The following NYAP2 variants were observed in gnomAD, a reference collection of about 807,000 sequenced individuals.
The protein encoded by NYAP2 is neuronal tyrosine-phosphorylated phosphoinositide-3-kinase adapter 2.
A neutral mutation model predicts 50.4 loss-of-function variants in NYAP2; 23 were observed. The ratio of observed to expected loss-of-function variants is 0.46; its 90% CI spans 0.33 to 0.65. NYAP2 has a LOEUF of 0.65. Ranked by LOEUF, NYAP2 falls within the 30% of genes least tolerant of loss-of-function variation. NYAP2 has a pLI of 0.02. For synonymous variants in NYAP2, 394 were observed against 365.2 expected (o/e 1.08, Z -0.90); for missense variants, 885 against 861.0 (o/e 1.03, Z -0.35).
rs529583938 is a variant in NYAP2, at chr2:225,612,008, T to G, written c.1619-14909T>G. Among the ~76,000 whole-genome samples the G allele has an allele frequency of 2.8e-4, 42 of 150,966 alleles. No homozygotes were observed. The South Asian group carries it at 8.8e-3, about 32-fold the overall frequency. Reference sequence around the variant, plus strand: ...TCAGAGTAAACTGCTGAAGCCAGTTTTAGAAAAGTCACATTCTTTGTTTTC... The same window carrying G: ...TCAGAGTAAACTGCTGAAGCCAGTTGTAGAAAAGTCACATTCTTTGTTTTC... On this transcript the variant is annotated intron_variant, in intron 5 of 6. Transcript: ENST00000636099.
chr2:225,546,161 A>G (rs73089011), intron 4 of NYAP2, among the ~76,000 whole-genome samples: 4,186 of 151,830 alleles, frequency 0.028, 183 homozygotes, highest in African/African-American at 0.094. Context: ...AGTCTCTCCT[A>G]GGGCCCATTG....
intron 3 of NYAP2, among the ~76,000 whole-genome samples, chr2:225,470,825 G>GTGTA (rs151090508): frequency 5.9e-5 from 9 of 151,692 alleles, no homozygotes; most frequent in African/African-American, 2.2e-4. Flanking sequence ...GTGTGTGTGT[G>GTGTA]TATATATATT....
At chr2:225,487,778 A>T (rs1012276286) in intron 3 of NYAP2, among the ~76,000 whole-genome samples, 1 of 152,202 alleles carries the variant, frequency 6.6e-6, no homozygotes, top group Non-Finnish European at 1.5e-5. Context: ...AGATATATAG[A>T]TATATTTTAG....
intron 4 of NYAP2, among the ~76,000 whole-genome samples, chr2:225,553,059 T>C (rs1281272613): frequency 6.6e-6 from 1 of 152,124 alleles, no homozygotes; most frequent in Non-Finnish European, 1.5e-5. Context: ...CCAGGACATA[T>C]CCCTGGCAGC....
intron 3 of NYAP2, among the ~76,000 whole-genome samples, chr2:225,444,216 T>C (rs1689516133): frequency 6.6e-6 from 1 of 152,072 alleles, no homozygotes; most frequent in African/African-American, 2.4e-5. Flanking sequence ...GTCTTCATTA[T>C]AGCATTGACA....
intron 3 of NYAP2, among the ~76,000 whole-genome samples, chr2:225,434,804 G>A (rs1437953273): frequency 1.3e-5 from 2 of 152,068 alleles, no homozygotes; most frequent in African/African-American, 2.4e-5. Context: ...ATATATACAC[G>A]TGTGTGTGTA....
intron 4 of NYAP2, among the ~76,000 whole-genome samples, chr2:225,572,209 A>G (rs975157723): frequency 6.6e-6 from 1 of 151,938 alleles, no homozygotes; most frequent in African/African-American, 2.4e-5. Context: ...AACTGTTCCA[A>G]CCTCTGCCTG....
intron 3 of NYAP2, among the ~76,000 whole-genome samples, chr2:225,469,598 C>T (rs1574630555): frequency 6.6e-6 from 1 of 152,142 alleles, no homozygotes; most frequent in Non-Finnish European, 1.5e-5. Flanking sequence ...TTGGAACCAA[C>T]CCAAATGTCC....
At chr2:225,675,929 C>T in the NYAP2 span, among the ~76,000 whole-genome samples, 1 of 151,998 alleles carries the variant, frequency 6.6e-6, no homozygotes, top group Non-Finnish European at 1.5e-5. Context: ...GTTTGTTGGC[C>T]ACTTGTGTGC....
At chr2:225,533,647 C>T (rs1211660578) in intron 4 of NYAP2, among the ~76,000 whole-genome samples, 2 of 151,902 alleles carry the variant, frequency 1.3e-5, no homozygotes, top group African/African-American at 2.4e-5. Flanking sequence ...CAAGATCGCA[C>T]CACTACACTC....
At chr2:225,503,375 T>C (rs777009729) in intron 3 of NYAP2, among the ~76,000 whole-genome samples, 1 of 152,194 alleles carries the variant, frequency 6.6e-6, no homozygotes, top group Non-Finnish European at 1.5e-5. Context: ...GTCTTATGTA[T>C]AGAAATGAGG....
At chr2:225,597,512 A>AATTATATAT (rs1553554328) in intron 5 of NYAP2, among the ~76,000 whole-genome samples, 1 of 46,220 alleles carries the variant, frequency 2.2e-5, no homozygotes, top group African/African-American at 5.9e-5. Context: ...TCCAAGGAGA[A>AATTATATAT]ATATATATAT....
the NYAP2 span, chr2:225,702,534 G>A: frequency 6.6e-6 from 1 of 151,514 alleles, no homozygotes; most frequent in East Asian, 1.9e-4. Flanking sequence ...TATAGTCAAG[G>A]TAAAATTCTA....
At chr2:225,539,080 G>A (rs1488244277) in intron 4 of NYAP2, among the ~76,000 whole-genome samples, 5 of 151,982 alleles carry the variant, frequency 3.3e-5, no homozygotes, top group African/African-American at 1.2e-4. Context: ...CCACTTATGA[G>A]TGAGAACATG....
chr2:225,664,776 T>G, the NYAP2 span, among the ~76,000 whole-genome samples: 2 of 152,046 alleles, frequency 1.3e-5, no homozygotes, highest in African/African-American at 2.4e-5. Flanking sequence ...CTTGGGAGGC[T>G]GAGGCAGGAG....
chr2:225,416,839 C>G (rs1695132162), intron 3 of NYAP2, among the ~76,000 whole-genome samples: 1 of 152,074 alleles, frequency 6.6e-6, no homozygotes, highest in South Asian at 2.1e-4. Flanking sequence ...AACAGAGCCC[C>G]ATGTGAGCTA....
intron 3 of NYAP2, among the ~76,000 whole-genome samples, chr2:225,444,641 A>T (rs1386698843): frequency 6.6e-6 from 1 of 152,202 alleles, no homozygotes; most frequent in Admixed American, 6.5e-5. Flanking sequence ...ATAATGAAGG[A>T]TTTCTAGAAT....
chr2:225,453,645 T>G (rs1022336031), intron 3 of NYAP2, among the ~76,000 whole-genome samples: 2 of 151,896 alleles, frequency 1.3e-5, no homozygotes, highest in Non-Finnish European at 2.9e-5. Flanking sequence ...TATCAAGTTT[T>G]TTTGTTTGTT....
At chr2:225,673,013 GAA>G in the NYAP2 span, among the ~76,000 whole-genome samples, 2 of 142,718 alleles carry the variant, frequency 1.4e-5, no homozygotes, top group South Asian at 4.4e-4. Flanking sequence ...TGAGACTGGG[GAA>G]AAAAAAAAAA....
Sources: allele counts gnomAD v4.1 joint callset (sites outside exome capture counted in the v4.1 genomes callset), GRCh38; gene constraint gnomAD v4.1.1; transcripts MANE v1.5; gene names NCBI Gene and HGNC (gene_info 2026-07-23, HGNC 2026-07-21).